The following SAMD5 variants were observed in gnomAD, a reference collection of about 807,000 sequenced individuals.
The protein encoded by SAMD5 is sterile alpha motif domain containing 5, also known as sterile alpha motif domain-containing protein 5.
In SAMD5, 13 loss-of-function variants were observed where a neutral mutation model predicts 11.3. The ratio of observed to expected loss-of-function variants is 1.15; its 90% CI spans 0.75 to 1.83. The LOEUF (loss-of-function observed/expected upper bound fraction) is 1.83, where lower values mean the gene tolerates loss of function less well. Ranked by LOEUF, SAMD5 falls within the 40% of genes most tolerant of loss-of-function variation. The pLI is 0.00. For missense variants in SAMD5, 255 were observed against 239.1 expected (o/e 1.07, Z -0.44); for synonymous variants, 129 against 111.3 (o/e 1.16, Z -1.00).
At chr6:147,622,568 C>T (rs1446709972) in intron 1 of SAMD5, among the ~76,000 whole-genome samples, 2 of 152,108 alleles carry the variant, frequency 1.3e-5, no homozygotes, top group Admixed American at 1.3e-4. Context: ...GAAGCTGGGG[C>T]TCAGGAAGGG....
chr6:147,615,896 T>A (rs1789859931), intron 1 of SAMD5, among the ~76,000 whole-genome samples: 1 of 152,142 alleles, frequency 6.6e-6, no homozygotes, highest in South Asian at 2.1e-4. Context: ...CTCTTCTAGA[T>A]GAGAGGTCAC....
the SAMD5 span, among the ~76,000 whole-genome samples, chr6:147,912,559 C>G: frequency 6.6e-6 from 1 of 152,266 alleles, no homozygotes; most frequent in African/African-American, 2.4e-5. Flanking sequence ...TCTAGCAGTC[C>G]ACCTTTTAGG....
chr6:147,661,742 G>A (rs926997819), intron 1 of SAMD5, among the ~76,000 whole-genome samples: 1 of 152,144 alleles, frequency 6.6e-6, no homozygotes, highest in Non-Finnish European at 1.5e-5. Flanking sequence ...CGATTCTCCT[G>A]CCTCAGCCTC....
At chr6:147,888,407 G>A in the SAMD5 span, among the ~76,000 whole-genome samples, 1 of 151,896 alleles carries the variant, frequency 6.6e-6, no homozygotes, top group African/African-American at 2.4e-5. Flanking sequence ...ATTTTGAAAG[G>A]TATTTTCACT....
At chr6:147,885,618 G>C in the SAMD5 span, among the ~76,000 whole-genome samples, 6 of 152,238 alleles carry the variant, frequency 3.9e-5, no homozygotes, top group African/African-American at 1.4e-4. Flanking sequence ...AGCAGGATTA[G>C]AGCCACAAAG....
chr6:147,796,636 G>C, the SAMD5 span, among the ~76,000 whole-genome samples: 1 of 152,128 alleles, frequency 6.6e-6, no homozygotes, highest in Non-Finnish European at 1.5e-5. Context: ...GGATGGCATT[G>C]AATCTATAAA....
the SAMD5 span, among the ~76,000 whole-genome samples, chr6:147,883,305 T>A: frequency 6.6e-6 from 1 of 152,190 alleles, no homozygotes; most frequent in African/African-American, 2.4e-5. Context: ...TAAGGATTAG[T>A]GTGCCATTTC....
At chr6:147,767,293 A>T in the SAMD5 span, among the ~76,000 whole-genome samples, 1 of 151,884 alleles carries the variant, frequency 6.6e-6, no homozygotes, top group African/African-American at 2.4e-5. Flanking sequence ...GGGCAGGGAG[A>T]GGAGCTGAAT....
intron 1 of SAMD5, among the ~76,000 whole-genome samples, chr6:147,547,127 G>C (rs1254222827): frequency 6.6e-6 from 1 of 152,188 alleles, no homozygotes; most frequent in African/African-American, 2.4e-5. Flanking sequence ...AGGTGGGAAA[G>C]AGTCATTATT....
intron 1 of SAMD5, among the ~76,000 whole-genome samples, chr6:147,626,523 G>A (rs1193203822): frequency 1.3e-5 from 2 of 151,558 alleles, no homozygotes; most frequent in Non-Finnish European, 2.9e-5. Context: ...TGATTTTTAT[G>A]CCATTTAGAT....
the SAMD5 span, among the ~76,000 whole-genome samples, chr6:147,797,854 G>T: frequency 6.6e-6 from 1 of 150,884 alleles, no homozygotes; most frequent in South Asian, 2.1e-4. Context: ...GTTTATTTGC[G>T]TAGAGGTTTT....
At chr6:147,511,630 A>G (rs1788092413) in intron 1 of SAMD5, among the ~76,000 whole-genome samples, 1 of 150,728 alleles carries the variant, frequency 6.6e-6, no homozygotes, top group South Asian at 2.1e-4. Flanking sequence ...TGGGGACCAA[A>G]AAAAAAAAAA....
At chr6:147,514,728 C>T (rs533735446) in intron 1 of SAMD5, among the ~76,000 whole-genome samples, 1 of 152,156 alleles carries the variant, frequency 6.6e-6, no homozygotes, top group Admixed American at 6.5e-5. Flanking sequence ...TGAAAAGTTG[C>T]TCCTTGCCAC....
At chr6:147,558,663 C>T (rs905409326) in intron 1 of SAMD5, among the ~76,000 whole-genome samples, 2 of 152,012 alleles carry the variant, frequency 1.3e-5, no homozygotes, top group Non-Finnish European at 2.9e-5. Context: ...TAGCTTTGGC[C>T]CATCAGAACT....
chr6:147,606,011 C>G (rs970534348), intron 1 of SAMD5, among the ~76,000 whole-genome samples: 3 of 151,996 alleles, frequency 2.0e-5, no homozygotes, highest in Admixed American at 2.0e-4. Flanking sequence ...CATTCAAAAA[C>G]TCTGGGATTA....
the SAMD5 span, among the ~76,000 whole-genome samples, chr6:147,950,904 C>G: frequency 6.6e-6 from 1 of 151,854 alleles, no homozygotes; most frequent in Non-Finnish European, 1.5e-5. Flanking sequence ...GCCTCCACAT[C>G]TTTCTCTTCC....
At chr6:147,766,089 C>A in the SAMD5 span, among the ~76,000 whole-genome samples, 1 of 141,270 alleles carries the variant, frequency 7.1e-6, no homozygotes. Flanking sequence ...ATTAAAAATA[C>A]GGTAAGCAAT....
intron 1 of SAMD5, among the ~76,000 whole-genome samples, chr6:147,550,594 C>A (rs1583078443): frequency 6.6e-6 from 1 of 152,102 alleles, no homozygotes; most frequent in Non-Finnish European, 1.5e-5. Context: ...GAAATTATGT[C>A]TTTTGCAGCA....
In SAMD5 at chr6:147,603,794, A is replaced by T. The variant is rs1475019532; in HGVS notation, c.162+94407A>T. 2.0e-5 allele frequency among the ~76,000 whole-genome samples: 3 copies of T among 152,260 alleles called. No homozygotes were observed. The South Asian group carries it at 6.2e-4, about 32-fold the overall frequency. On this transcript the variant is annotated intron_variant, in intron 1 of 1. Transcript: ENST00000566741. ...ATTTCATTAAAAAACAAAACAAAAAAAAACAACAACAACAACAAAAAACAA... is the reference window on the plus strand; with the variant it reads ...ATTTCATTAAAAAACAAAACAAAAATAAACAACAACAACAACAAAAAACAA...
Sources: allele counts gnomAD v4.1 joint callset (sites outside exome capture counted in the v4.1 genomes callset), GRCh38; gene constraint gnomAD v4.1.1; transcripts MANE v1.5; gene names NCBI Gene and HGNC (gene_info 2026-07-23, HGNC 2026-07-21).